The following EPRS1 variants were observed in gnomAD, a reference collection of about 807,000 sequenced individuals.
The protein encoded by EPRS1 is glutamyl-prolyl-tRNA synthetase 1.
Under a neutral mutation model 188.3 loss-of-function variants are expected in EPRS1, and 107 were observed. That is an observed-to-expected ratio of 0.57 (90% CI 0.49 to 0.67). EPRS1 has a LOEUF of 0.67. EPRS1 is among the 30% of genes least tolerant of loss of function. The pLI, the probability that EPRS1 is intolerant of heterozygous loss-of-function variation, is 0.00. For synonymous variants in EPRS1, 596 were observed against 593.1 expected, an observed-to-expected ratio of 1.00 and a Z score of -0.07; for missense variants, 1,577 against 1,802.2, an observed-to-expected ratio of 0.88 and a Z score of 2.26.
In EPRS1 at chr1:219,980,181, A is replaced by G; in HGVS notation, c.3615T>C (p.Val1205=). The G allele has an allele frequency of 6.2e-7, 1 of 1,613,146 alleles. No homozygotes were observed. Among genetic ancestry groups the G allele is most frequent in the Non-Finnish European group, 8.5e-7 (1 of 1,179,266 alleles). ...CCTTTTCCGTCTTTCTTCCTTTAACAACAGGAATTGCCAGGAGTTCTTCAT... is the reference window on the plus strand; with the variant it reads ...CCTTTTCCGTCTTTCTTCCTTTAACGACAGGAATTGCCAGGAGTTCTTCAT... ...QVYEELLAIP[V]VKGRKTEKEK... Residue 1205 remains valine, a synonymous_variant, in exon 26 of 32, where the codon GTT becomes GTC. Coordinates refer to ENST00000366923, the MANE Select transcript of EPRS1 (RefSeq NM_004446.3).
Position 220,033,512 on chromosome 1 carries a change from G to T in EPRS1, c.378C>A (p.Ala126=). The change falls in exon 4 of 32, where the codon GCC becomes GCA. Residue 126 remains alanine, a synonymous_variant. Transcript: ENST00000366923. ...SLSLADLCVW[A]TLKGNAAWQE... ...AAGAATTATTGATACCTTTTAGGGT[G>T]GCCCAAACACATAAATCTGCTAAAC... 1 of 1,607,844 alleles carries T rather than the reference G, an allele frequency of 6.2e-7. No homozygotes were observed. Among genetic ancestry groups the T allele is most frequent in the Non-Finnish European group, 8.5e-7 (1 of 1,176,764 alleles).
chr1:220,041,473 C>G (rs993601976), intron 1 of EPRS1, among the ~76,000 whole-genome samples: 4 of 152,168 alleles, frequency 2.6e-5, no homozygotes, highest in African/African-American at 9.7e-5. Flanking sequence ...TAGTCCACAG[C>G]TCAAACTCTA....
In EPRS1 at chr1:219,972,055, C is replaced by A; in HGVS notation, c.4323+14G>T. ...AAATATTCTTATACTGAAAAGTTTT[C>A]CAAACTCTCTGACCTTTCCAGAATC... On this transcript the variant is annotated intron_variant, in intron 30 of 31. Transcript: ENST00000366923. 1 of 1,534,662 alleles carries A rather than the reference C, an allele frequency of 6.5e-7. No homozygotes were observed. The highest frequency in any genetic ancestry group is 1.4e-5 in the African/African-American group (1 of 71,512).
intron 3 of EPRS1, among the ~76,000 whole-genome samples, chr1:220,034,444 A>C (rs1026472679): frequency 1.3e-5 from 2 of 151,772 alleles, no homozygotes; most frequent in Non-Finnish European, 2.9e-5. Flanking sequence ...CCCATTGTTA[A>C]GAGGCACATG....
chr1:220,046,297 C>T (rs1334297108), intron 1 of EPRS1, 46 bp downstream of exon 1: 1 of 1,612,932 alleles, frequency 6.2e-7, no homozygotes, highest in Non-Finnish European at 8.5e-7. Context: ...CCTGCACCCT[C>T]CCTGGCTGAT....
chr1:219,973,052 G>A (rs1660699316), intron 29 of EPRS1, among the ~76,000 whole-genome samples, 186 bp downstream of exon 29: 1 of 152,114 alleles, frequency 6.6e-6, no homozygotes, highest in African/African-American at 2.4e-5. Context: ...TAGGAAGCAG[G>A]TGGCACTTAG....
intron 10 of EPRS1, among the ~76,000 whole-genome samples, 158 bp from the exon 11 acceptor site, chr1:220,019,237 A>G (rs890798920): frequency 3.3e-5 from 5 of 152,236 alleles, no homozygotes; most frequent in African/African-American, 1.2e-4. Flanking sequence ...TAGTGAGCCC[A>G]AATTCAAGGA....
chr1:219,982,498 A>G (rs1009371618), intron 23 of EPRS1: 2 of 271,426 alleles, frequency 7.4e-6, no homozygotes, highest in Non-Finnish European at 6.8e-6. Context: ...TATTCTAAGA[A>G]TAAAACTCCT....
At chr1:219,982,961 A>G in intron 22 of EPRS1, 117 bp from the exon 23 acceptor site, 1 of 924,256 alleles carries the variant, frequency 1.1e-6, no homozygotes, top group Non-Finnish European at 1.7e-6. Context: ...AGGCAAGTTA[A>G]AATAGTCGCT....
At position 219,979,552 on chromosome 1, in the gene EPRS1, G is replaced by T. The variant is rs766919939; in HGVS notation, c.3775C>A (p.Pro1259Thr). 4 of 1,613,892 alleles carry T rather than the reference G, an allele frequency of 2.5e-6. No homozygotes were observed. Among genetic ancestry groups the T allele is most frequent in the Non-Finnish European group, 3.4e-6 (4 of 1,179,886 alleles). ...AATTGCTTCTCTCCTGGTATCTTTGGATCTTCAAAAACGATTTCAAACATT... is the reference window on the plus strand; with the variant it reads ...AATTGCTTCTCTCCTGGTATCTTTGTATCTTCAAAAACGATTTCAAACATT... ...SKMFEIVFED[P>T]KIPGEKQFAY... Residue 1259 changes from proline to threonine, a missense_variant, in exon 27 of 32, where the codon CCA becomes ACA. Physicochemically the swap from Pro to Thr is conservative, Grantham distance 38. This residue lies in a region of EPRS1 where 296 missense variants were observed against 327.9 expected (regional missense o/e 0.90). Coordinates refer to ENST00000366923, the MANE Select transcript of EPRS1 (RefSeq NM_004446.3).
intron 28 of EPRS1, among the ~76,000 whole-genome samples, chr1:219,977,487 T>C (rs1660802986): frequency 6.6e-6 from 1 of 152,162 alleles, no homozygotes; most frequent in Non-Finnish European, 1.5e-5. Flanking sequence ...TTCTTTTTAA[T>C]CCCGCTAGTA....
intron 8 of EPRS1, 24 bp from the exon 9 acceptor site, chr1:220,022,542 G>C: frequency 6.5e-7 from 1 of 1,548,906 alleles, no homozygotes; most frequent in Non-Finnish European, 8.8e-7. Flanking sequence ...ATTACATTAC[G>C]GTTCACTAAT....
chr1:219,968,629 T>A lies in EPRS1; in HGVS notation c.*177A>T, dbSNP rs1022042129. The A allele has an allele frequency of 1.4e-5, 8 of 584,044 alleles. No homozygotes were observed. In the African/African-American group the frequency reaches 1.5e-4, roughly 11 times the overall value. The allele number at this position is 584,044 out of a possible 1,614,324, so 36.2% of individuals were successfully genotyped here. The stretch of plus-strand genomic sequence containing the variant: ...TTCATGATATTTATTACTGGAGTTG[T>A]TTACAGAAAAGTCTTTTATCCACTG... On this transcript the variant is annotated 3_prime_UTR_variant, in exon 32 of 32. Coordinates refer to ENST00000366923, the MANE Select transcript of EPRS1 (RefSeq NM_004446.3).
At position 220,019,016 on chromosome 1, in the gene EPRS1, C is replaced by G; in HGVS notation, c.1413G>C (p.Leu471=). 1 of 1,612,630 alleles carries G rather than the reference C, an allele frequency of 6.2e-7. No individual in the cohort carries two copies. The highest frequency in any genetic ancestry group is 1.3e-5 in the African/African-American group (1 of 74,992). ...VLRRGMTVEG[L]KQFIAAQGSS... is the part of the protein sequence containing the mutation. The stretch of plus-strand genomic sequence containing the variant: ...GCACCTGAGCAGCAATAAACTGTTT[C>G]AGTCCTTCAACTGTCATCCCTCTTC... Residue 471 remains leucine, a synonymous_variant, in exon 11 of 32, where the codon CTG becomes CTC. Coordinates refer to ENST00000366923, the MANE Select transcript of EPRS1 (RefSeq NM_004446.3).
intron 7 of EPRS1, 47 bp from the exon 8 acceptor site, chr1:220,024,503 T>C: frequency 7.2e-7 from 1 of 1,388,398 alleles, no homozygotes. Flanking sequence ...TTTGCATTTT[T>C]TCGTGCATTT....
Position 220,000,913 on chromosome 1 carries a change from G to A in EPRS1, c.2181+225C>T, listed in dbSNP as rs1181692216. Among the ~76,000 whole-genome samples the A allele has an allele frequency of 5.3e-5, 8 of 152,136 alleles. No homozygotes were observed. In the South Asian group the frequency reaches 6.2e-4, roughly 12 times the overall value. ...TGAGAATTGCTTGAACCCGGGAGGC[G>A]GAGGTTGCAGTGAGCCCAGATCGCG... On this transcript the variant is annotated intron_variant, in intron 17 of 31. Coordinates refer to ENST00000366923, the MANE Select transcript of EPRS1 (RefSeq NM_004446.3).
At chr1:220,001,333 TA>T (rs1199990802) in intron 16 of EPRS1, 78 bp from the exon 17 acceptor site, 1 of 828,982 alleles carries the variant, frequency 1.2e-6, no homozygotes, top group African/African-American at 1.7e-5. Flanking sequence ...AATTCCTAGA[TA>T]AATTCAATGG....
chr1:220,043,725 T>C (rs139260563), intron 1 of EPRS1, among the ~76,000 whole-genome samples: 18 of 152,262 alleles, frequency 1.2e-4, no homozygotes, highest in African/African-American at 4.3e-4. Context: ...CCAGGAAATA[T>C]CAGACAACTT....
chr1:220,046,414 T>G lies in EPRS1; in HGVS notation c.-26A>C. On this transcript the variant is annotated 5_prime_UTR_variant, in exon 1 of 32. Coordinates refer to ENST00000366923, the MANE Select transcript of EPRS1 (RefSeq NM_004446.3). Reference sequence around the variant, plus strand: ...CTCCACCAGTCCGCTGGTCCACCTGTCAGTACGCCTGGCTCGTGCCAGAAC... The same window carrying G: ...CTCCACCAGTCCGCTGGTCCACCTGGCAGTACGCCTGGCTCGTGCCAGAAC... 6.2e-7 allele frequency: 1 copy of G among 1,613,590 alleles called. No homozygotes were observed.
Sources: allele counts gnomAD v4.1 joint callset (sites outside exome capture counted in the v4.1 genomes callset), GRCh38; gene constraint gnomAD v4.1.1; regional missense constraint gnomAD v4.1.1; transcripts MANE v1.5; gene names NCBI Gene and HGNC (gene_info 2026-07-23, HGNC 2026-07-21).